Variants in CENPV observed in about 807,000 individuals in gnomAD.
The protein encoded by CENPV is centromere protein V.
CENPV carries 15 observed loss-of-function variants against 26.4 expected under a neutral mutation model. The observed-to-expected ratio is 0.57, with a 90% CI of 0.38 to 0.88. The LOEUF (loss-of-function observed/expected upper bound fraction) is 0.88. CENPV is among the 40% of genes least tolerant of loss of function. The pLI is 0.00. For synonymous variants in CENPV, 172 were observed against 165.5 expected (o/e 1.04, Z -0.30); for missense variants, 336 against 376.5 (o/e 0.89, Z 0.89).
At position 16,353,240 on chromosome 17, in the gene CENPV, G is replaced by T; in HGVS notation, c.197C>A (p.Ser66Ter). The T allele has an allele frequency of 7.1e-7, 1 of 1,402,100 alleles. No homozygotes were observed. Among genetic ancestry groups the T allele is most frequent in the South Asian group, 1.5e-5 (1 of 65,464 alleles). The allele number at this position is 1,402,100 out of a possible 1,614,324, so 86.9% of individuals were successfully genotyped here. The part of the protein sequence containing the change: ...PPSEKPRLRR[S>*]SPRAQEEGPG... ...GCCCTCCTCCTGGGCCCGCGGCGAC[G>T]AGCGCCTCAGCCGCGGCTTCTCCGA... Residue 66 changes from serine (S) to a stop codon, truncating the protein, a stop_gained, in exon 1 of 5, where the codon TCG (serine) becomes TAG (stop). Coordinates refer to ENST00000299736, the MANE Select transcript of CENPV (RefSeq NM_181716.3). LOFTEE classifies it high-confidence loss of function.
In CENPV at chr17:16,348,439, G is replaced by A. The variant is rs370354224; in HGVS notation, c.579+177C>T. 393 of 1,400,422 alleles carry A rather than the reference G, an allele frequency of 2.8e-4. 10 individuals are homozygous for A. The East Asian group carries it at 9.0e-3, about 32-fold the overall frequency. The allele number at this position is 1,400,422 out of a possible 1,614,324, so 86.7% of individuals were successfully genotyped here. A position where few individuals can be genotyped will look rare whatever the true frequency, so the allele number is the denominator to read the frequency against. On this transcript the variant is annotated intron_variant, in intron 3 of 4. Coordinates refer to ENST00000299736, the MANE Select transcript of CENPV (RefSeq NM_181716.3). ...CCCAAAGTGCTGGGATTACAGGCGT[G>A]AGCCACTGTGCCGGGCCCACCTTTT...
Position 16,349,977 on chromosome 17 carries a change from G to T in CENPV, c.463C>A (p.Arg155Ser). Residue 155 changes from arginine (R) to serine (S), a missense_variant, in exon 2 of 5, where the codon CGT becomes AGT. By Grantham distance (110) the Arg-to-Ser change is moderately radical. Around this residue, in one of 2 missense-constraint regions of CENPV, gnomAD observed 155 missense variants for 227.8 expected, o/e 0.68. Coordinates refer to ENST00000299736, the MANE Select transcript of CENPV (RefSeq NM_181716.3). Reference protein sequence around the residue: ...HTGGCHCGAVRFEVWASADLH... With the variant: ...HTGGCHCGAVSFEVWASADLH... The stretch of plus-strand genomic sequence containing the variant: ...TCTGCTGAGGCCCAAACTTCAAAAC[G>T]AACTGCTCCACAGTGGCAGCCTCCT... The T allele has an allele frequency of 6.2e-7, 1 of 1,613,844 alleles. No homozygotes were observed. The highest frequency in any genetic ancestry group is 1.1e-5 in the South Asian group (1 of 91,052).
Position 16,353,337 on chromosome 17 carries a change from G to T in CENPV, c.100C>A (p.Pro34Thr), listed in dbSNP as rs2093235474. ...PAASAAAALAPSATRTRRSAS... is the reference protein window; with the variant it reads ...PAASAAAALATSATRTRRSAS... Reference sequence around the variant, plus strand: ...GAGCGCCGTGTGCGGGTGGCGCTGGGTGCCAAGGCAGCGGCCGCGGAGGCC... The same window carrying T: ...GAGCGCCGTGTGCGGGTGGCGCTGGTTGCCAAGGCAGCGGCCGCGGAGGCC... Residue 34 changes from proline to threonine, a missense_variant, in exon 1 of 5, where the codon CCC (proline) becomes ACC (threonine). By Grantham distance (38) the Pro-to-Thr change is conservative. Coordinates refer to ENST00000299736, the MANE Select transcript of CENPV (RefSeq NM_181716.3). 3 of 1,342,540 alleles carry T rather than the reference G, an allele frequency of 2.2e-6. No individual in the cohort carries two copies. The African/African-American group carries it at 4.7e-5, about 21-fold the overall frequency. 83.2% of individuals were successfully genotyped at this position (1,342,540 alleles called of 1,614,324 possible). A position where few individuals can be genotyped will look rare whatever the true frequency, so the allele number is the denominator to read the frequency against.
chr17:16,348,726 C>A (rs762197295), intron 2 of CENPV, 41 bp from the exon 3 acceptor site: 2 of 1,612,112 alleles, frequency 1.2e-6, no homozygotes, highest in South Asian at 2.2e-5. Context: ...TGAGCAGCCA[C>A]CTGCATCCTC....
In CENPV at chr17:16,342,709, C is replaced by G. The variant is rs2093187424; in HGVS notation, c.*108G>C. 3 of 1,358,842 alleles carry G rather than the reference C, an allele frequency of 2.2e-6. No homozygotes were observed. Among genetic ancestry groups the G allele is most frequent in the Admixed American group, 3.6e-5 (2 of 55,046 alleles). The allele number at this position is 1,358,842 out of a possible 1,614,324, so 84.2% of individuals were successfully genotyped here. The stretch of plus-strand genomic sequence containing the variant: ...ATCAAGATGACCCTAGTCAACGGAA[C>G]CAGCAGCCCAGGTCAGCCACATTCA... On this transcript the variant is annotated 3_prime_UTR_variant, in exon 5 of 5. Transcript: ENST00000299736.
At chr17:16,345,063 G>A (rs564668354) in intron 3 of CENPV, among the ~76,000 whole-genome samples, 36 of 151,852 alleles carry the variant, frequency 2.4e-4, no homozygotes, top group Non-Finnish European at 4.1e-4. Flanking sequence ...GAGCCACTGC[G>A]CCTGGCCCCA....
intron 4 of CENPV, 52 bp downstream of exon 4, chr17:16,344,545 C>A (rs1329620977): frequency 1.0e-5 from 11 of 1,065,442 alleles, no homozygotes; most frequent in African/African-American, 3.3e-5. Context: ...AATGAGAGCA[C>A]CATGGGCCTC....
At chr17:16,344,775 T>C (rs1471462504) in intron 3 of CENPV, 64 bp from the exon 4 acceptor site, 1 of 904,044 alleles carries the variant, frequency 1.1e-6, no homozygotes, top group Non-Finnish European at 1.6e-6. Flanking sequence ...AATTTATTTA[T>C]TTATTTATTT....
At position 16,353,344 on chromosome 17, in the gene CENPV, GGCAGCGGCCGCGGAGGCC is replaced by G. The variant is rs2093235515; in HGVS notation, c.75_92del (p.Ala26_Ala31del). On this transcript the variant is annotated inframe_deletion, in exon 1 of 5. Transcript: ENST00000299736. ...GTGTGCGGGTGGCGCTGGGTGCCAA[GGCAGCGGCCGCGGAGGCC>G]GCGGGGGCCGCGGAGGCCCCGGACC... The G allele has an allele frequency of 6.9e-6, 9 of 1,311,226 alleles. No homozygotes were observed. The highest frequency in any genetic ancestry group is 8.7e-6 in the Non-Finnish European group (9 of 1,030,428). 81.2% of individuals were successfully genotyped at this position (1,311,226 alleles called of 1,614,324 possible).
At chr17:16,350,436 T>C (rs2093224187) in intron 1 of CENPV, among the ~76,000 whole-genome samples, 2 of 151,630 alleles carry the variant, frequency 1.3e-5, no homozygotes. Flanking sequence ...CTCTGCCACC[T>C]GGGTTGAAGC....
At chr17:16,348,931 G>C (rs766431138) in intron 2 of CENPV, 250 of 1,279,514 alleles carry the variant, frequency 2.0e-4, no homozygotes, top group Non-Finnish European at 2.4e-4. Context: ...CCAACAGACA[G>C]GTCTGTACTG....
At chr17:16,344,917 G>A (rs1053632597) in intron 3 of CENPV, among the ~76,000 whole-genome samples, 9 of 151,698 alleles carry the variant, frequency 5.9e-5, no homozygotes, top group African/African-American at 1.9e-4. Flanking sequence ...GATTATAGGC[G>A]CGTGCCCCCA....
At position 16,349,999 on chromosome 17, in the gene CENPV, T is replaced by A; in HGVS notation, c.441A>T (p.Gly147=). The change falls in exon 2 of 5, where the codon GGA becomes GGT. Residue 147 remains glycine (G), a synonymous_variant. Coordinates refer to ENST00000299736, the MANE Select transcript of CENPV (RefSeq NM_181716.3). ...FEYQGLVKHT[G]GCHCGAVRFE... is the part of the protein sequence containing the mutation. ...AACGAACTGCTCCACAGTGGCAGCCTCCTGTGTGCTTCACCAGGCCCTGGT... is the reference window on the plus strand; with the variant it reads ...AACGAACTGCTCCACAGTGGCAGCCACCTGTGTGCTTCACCAGGCCCTGGT... 1 of 1,613,922 alleles carries A rather than the reference T, an allele frequency of 6.2e-7. No individual in the cohort carries two copies. Among genetic ancestry groups the A allele is most frequent in the South Asian group, 1.1e-5 (1 of 91,066 alleles).
intron 2 of CENPV, chr17:16,349,410 G>A (rs1555874964): frequency 8.1e-6 from 8 of 985,998 alleles, no homozygotes; most frequent in Non-Finnish European, 7.2e-6. Flanking sequence ...AGAGCCTGTC[G>A]TCCCTGCTCC....
chr17:16,342,948 G>C lies in CENPV; in HGVS notation c.695-7C>G. 1 of 1,614,022 alleles carries C rather than the reference G, an allele frequency of 6.2e-7. No homozygotes were observed. The highest frequency in any genetic ancestry group is 8.5e-7 in the Non-Finnish European group (1 of 1,180,026). ...AGGCAGTGGGGGGCAATTCCTACGA[G>C]AAAGTGGCACAGACAAAGGGGGATC... On this transcript the variant is annotated splice_polypyrimidine_tract_variant and splice_region_variant and intron_variant, in intron 4 of 4. Transcript: ENST00000299736.
In CENPV at chr17:16,344,598, G is replaced by A. The variant is rs148549539; in HGVS notation, c.693C>T (p.Phe231=). ...TTGCAGTCCATCCCCTTTACTCACC[G>A]AAGCCTCCGGGGTTTGATCGTGGAG... is the stretch of plus-strand genomic sequence containing the variant. The part of the protein sequence containing the change: ...FYTPRSNPGG[F]GIAPHCLDEG... The change falls in exon 4 of 5, where the codon TTC becomes TTT. Residue 231 remains phenylalanine (F), a splice_region_variant and synonymous_variant. Coordinates refer to ENST00000299736, the MANE Select transcript of CENPV (RefSeq NM_181716.3). 136 of 1,563,142 alleles carry A rather than the reference G, an allele frequency of 8.7e-5. 1 individual carries two copies. Among genetic ancestry groups the A allele is most frequent in the South Asian group, 8.4e-4 (69 of 82,588 alleles).
chr17:16,353,154 T>TCGG lies in CENPV; in HGVS notation c.280_282dup (p.Pro94dup), dbSNP rs753919797. 64 of 1,466,196 alleles carry TCGG rather than the reference T, an allele frequency of 4.4e-5. No homozygotes were observed. The East Asian group carries it at 5.8e-4, about 13-fold the overall frequency. 90.8% of individuals were successfully genotyped at this position (1,466,196 alleles called of 1,614,324 possible). ...GCCGAGGACGTCGGGGTCGCGGGAG[T>TCGG]CGGCGGCGGCGGCGGCGGTGGCGGG... On this transcript the variant is annotated inframe_insertion, in exon 1 of 5. Coordinates refer to ENST00000299736, the MANE Select transcript of CENPV (RefSeq NM_181716.3).
At chr17:16,347,380 G>A (rs879491080) in intron 3 of CENPV, among the ~76,000 whole-genome samples, 5 of 152,194 alleles carry the variant, frequency 3.3e-5, no homozygotes, top group Admixed American at 6.6e-5. Context: ...GAAAAGCAGC[G>A]AAGGACTGCC....
intron 4 of CENPV, among the ~76,000 whole-genome samples, 189 bp from the exon 5 acceptor site, chr17:16,343,130 G>A (rs964746499): frequency 6.6e-6 from 1 of 152,156 alleles, no homozygotes; most frequent in Admixed American, 6.6e-5. Flanking sequence ...GAAAGCACTG[G>A]CTCCAGCCTA....
Sources: allele counts gnomAD v4.1 joint callset (sites outside exome capture counted in the v4.1 genomes callset), GRCh38; gene constraint gnomAD v4.1.1; regional missense constraint gnomAD v4.1.1; transcripts MANE v1.5; gene names NCBI Gene and HGNC (gene_info 2026-07-23, HGNC 2026-07-21).